TEX9: variants seen among roughly 807,000 people sequenced by gnomAD.
TEX9 encodes the protein testis-expressed protein 9.
Under a neutral mutation model 59.6 loss-of-function variants are expected in TEX9, and 74 were observed. The observed-to-expected ratio is 1.24, with a 90% CI of 1.03 to 1.51. The LOEUF is 1.51. TEX9 is among the 40% of genes most tolerant of loss of function. The pLI, the probability that TEX9 is intolerant of heterozygous loss-of-function variation, is 0.00. For missense variants in TEX9, 522 were observed against 447.8 expected, an observed-to-expected ratio of 1.17 and a Z score of -1.49; for synonymous variants, 186 against 152.2, an observed-to-expected ratio of 1.22 and a Z score of -1.64.
intron 1 of TEX9, among the ~76,000 whole-genome samples, chr15:56,306,051 A>C (rs57151267): frequency 2.0e-5 from 3 of 152,280 alleles, no homozygotes; most frequent in Non-Finnish European, 2.9e-5. Flanking sequence ...TCAAAACTAC[A>C]ATGAGATAAC....
chr15:56,322,575 A>T (rs1368978896), intron 1 of TEX9, among the ~76,000 whole-genome samples: 2 of 152,148 alleles, frequency 1.3e-5, no homozygotes, highest in Non-Finnish European at 2.9e-5. Flanking sequence ...GAGATGTTGT[A>T]GTACGTGTAG....
intron 12 of TEX9, among the ~76,000 whole-genome samples, chr15:56,437,964 G>T (rs2050756420): frequency 6.6e-6 from 1 of 152,146 alleles, no homozygotes; most frequent in Admixed American, 6.5e-5. Context: ...CGAAATAAAA[G>T]ACGACACAAA....
chr15:56,440,041 T>C (rs1342119796), intron 12 of TEX9, among the ~76,000 whole-genome samples: 2 of 152,024 alleles, frequency 1.3e-5, no homozygotes, highest in Non-Finnish European at 1.5e-5. Context: ...CTAGAATATA[T>C]GAAGAACTCT....
intron 9 of TEX9, among the ~76,000 whole-genome samples, chr15:56,402,892 T>C (rs985431255): frequency 6.6e-6 from 1 of 152,216 alleles, no homozygotes; most frequent in African/African-American, 2.4e-5. Flanking sequence ...ACCACATGAT[T>C]ATCTCAATAG....
chr15:56,322,856 A>G (rs1388360956), intron 1 of TEX9, among the ~76,000 whole-genome samples: 1 of 152,172 alleles, frequency 6.6e-6, no homozygotes, highest in Non-Finnish European at 1.5e-5. Context: ...AAAATATCAC[A>G]TGTTGAAGAC....
At chr15:56,457,563 G>A in the TEX9 span, among the ~76,000 whole-genome samples, 3 of 152,102 alleles carry the variant, frequency 2.0e-5, no homozygotes, top group Admixed American at 6.6e-5. Context: ...TGGCTTACAC[G>A]TGTAATCCCA....
At chr15:56,315,280 G>A (rs1186871717) in intron 1 of TEX9, among the ~76,000 whole-genome samples, 5 of 140,224 alleles carry the variant, frequency 3.6e-5, no homozygotes, top group South Asian at 2.5e-4. Flanking sequence ...ATTTTGCAGC[G>A]GCTGGTACCG....
chr15:56,312,095 GC>G (rs1445293879), intron 1 of TEX9, among the ~76,000 whole-genome samples: 8 of 149,852 alleles, frequency 5.3e-5, no homozygotes, highest in Admixed American at 2.0e-4. Flanking sequence ...TTTGTAGGTT[GC>G]CTCTTCACTC....
chr15:56,304,168 C>A (rs867199325), intron 1 of TEX9, among the ~76,000 whole-genome samples: 1 of 152,144 alleles, frequency 6.6e-6, no homozygotes, highest in African/African-American at 2.4e-5. Context: ...CTCTGGAGTG[C>A]AGTGGTGTGA....
At chr15:56,422,224 C>T (rs540373908) in intron 10 of TEX9, among the ~76,000 whole-genome samples, 1 of 151,146 alleles carries the variant, frequency 6.6e-6, no homozygotes, top group East Asian at 1.9e-4. Flanking sequence ...ACATTGTGCA[C>T]ATGTACCCTA....
intron 1 of TEX9, among the ~76,000 whole-genome samples, chr15:56,273,842 C>G (rs1473993277): frequency 2.0e-5 from 3 of 152,132 alleles, no homozygotes. Context: ...CTTTTTACGT[C>G]TGGTTGTCTC....
chr15:56,437,165 A>C (rs1020627541), intron 12 of TEX9, among the ~76,000 whole-genome samples: 30 of 152,206 alleles, frequency 2.0e-4, no homozygotes, highest in Middle Eastern at 3.2e-3. Flanking sequence ...CCACAAAAAA[A>C]AGAGAATTTA....
the TEX9 span, among the ~76,000 whole-genome samples, chr15:56,456,927 T>A: frequency 1.3e-5 from 2 of 152,184 alleles, no homozygotes; most frequent in Non-Finnish European, 2.9e-5. Context: ...TCAGAATTTT[T>A]AAAAATATAA....
upstream of TEX9, among the ~76,000 whole-genome samples, chr15:56,361,800 G>A (rs1378889070): frequency 6.6e-6 from 1 of 152,178 alleles, no homozygotes; most frequent in African/African-American, 2.4e-5. Context: ...GCAGAGAGAG[G>A]TTGTAGTGAT....
At chr15:56,370,552 C>T (rs1298605189) in intron 2 of TEX9, among the ~76,000 whole-genome samples, 1 of 152,038 alleles carries the variant, frequency 6.6e-6, no homozygotes, top group Non-Finnish European at 1.5e-5. Flanking sequence ...CCTTCTCAGC[C>T]CATTAAAGAT....
At chr15:56,286,087 A>G (rs751178745) in intron 1 of TEX9, among the ~76,000 whole-genome samples, 5 of 152,160 alleles carry the variant, frequency 3.3e-5, no homozygotes, top group Non-Finnish European at 7.3e-5. Context: ...TCTGGAAACT[A>G]TTTTGAGATA....
At chr15:56,284,159 C>CA (rs2044885436) in intron 1 of TEX9, among the ~76,000 whole-genome samples, 1 of 151,800 alleles carries the variant, frequency 6.6e-6, no homozygotes, top group South Asian at 2.1e-4. Flanking sequence ...TACACTTCTC[C>CA]TTTTTTTTCT....
intron 1 of TEX9, among the ~76,000 whole-genome samples, chr15:56,305,132 A>T (rs2045448151): frequency 6.6e-6 from 1 of 152,220 alleles, no homozygotes; most frequent in South Asian, 2.1e-4. Flanking sequence ...AATTGAGAAG[A>T]CACAAAACAT....
chr15:56,345,838 G>A (rs1476207311), intron 1 of TEX9, among the ~76,000 whole-genome samples: 1 of 152,184 alleles, frequency 6.6e-6, no homozygotes, highest in Non-Finnish European at 1.5e-5. Context: ...AGTCAGAAGT[G>A]CTACTCTAAA....
Sources: allele counts gnomAD v4.1 joint callset (sites outside exome capture counted in the v4.1 genomes callset), GRCh38; gene constraint gnomAD v4.1.1; transcripts MANE v1.5; gene names NCBI Gene and HGNC (gene_info 2026-07-23, HGNC 2026-07-21).